The following GRAMD4 variants were observed in gnomAD, a reference collection of about 807,000 sequenced individuals.
GRAMD4 encodes GRAM domain containing 4, also known as GRAM domain-containing protein 4.
GRAMD4 carries 25 observed loss-of-function variants against 83.9 expected under a neutral mutation model. The ratio of observed to expected loss-of-function variants is 0.30; its 90% confidence interval spans 0.22 to 0.42. GRAMD4 has a LOEUF of 0.42. GRAMD4 is among the 10% of genes least tolerant of loss of function. The pLI, the probability that GRAMD4 is intolerant of heterozygous loss-of-function variation, is 1.00. For missense variants in GRAMD4, 593 were observed against 788.7 expected (o/e 0.75, Z 2.97); for synonymous variants, 336 against 320.9 (o/e 1.05, Z -0.50).
intron 1 of GRAMD4, among the ~76,000 whole-genome samples, chr22:46,624,858 ATT>A (rs138482): frequency 1.2e-3 from 143 of 116,638 alleles, no homozygotes; most frequent in African/African-American, 2.3e-3. Flanking sequence ...GTCCTGTGGG[ATT>A]TTTTTTTTTT....
At chr22:46,618,762 A>G (rs2081535770), upstream of GRAMD4, among the ~76,000 whole-genome samples, 1 of 152,114 alleles carries the variant, frequency 6.6e-6, no homozygotes, top group Non-Finnish European at 1.5e-5. This position sits in a 1 kb window ranked among gnomAD's most constrained non-coding sequence, Gnocchi z 5.8. Flanking sequence ...AGAGGTGGAC[A>G]GATGTGCAGC....
At chr22:46,608,363 G>A (rs957042861) in intron 1 of GRAMD4, among the ~76,000 whole-genome samples, 2 of 152,184 alleles carry the variant, frequency 1.3e-5, no homozygotes, top group Non-Finnish European at 2.9e-5. Flanking sequence ...TGGACCTTGC[G>A]GGTTTTTGAT....
chr22:46,627,708 T>C (rs1481987536), intron 2 of GRAMD4, among the ~76,000 whole-genome samples: 3 of 152,230 alleles, frequency 2.0e-5, no homozygotes, highest in Non-Finnish European at 4.4e-5. Flanking sequence ...AGGTCTTCTT[T>C]CCAGGTGTGG....
chr22:46,608,132 A>T (rs1292172468), intron 1 of GRAMD4, among the ~76,000 whole-genome samples: 1 of 152,124 alleles, frequency 6.6e-6, no homozygotes, highest in African/African-American at 2.4e-5. Flanking sequence ...CAGCTCTAAG[A>T]TGCACTGCCT....
Position 46,673,776 on chromosome 22 carries a change from A to T in GRAMD4, c.1346A>T (p.Glu449Val). The change falls in exon 15 of 19, where the codon GAG becomes GTG. Residue 449 changes from glutamate to valine, a missense_variant. This residue lies in a region of GRAMD4 where 171 missense variants were observed against 199.6 expected (regional missense o/e 0.86). Transcript: ENST00000406902. Reference sequence around the variant, plus strand: ...AGCACCAAGAAGGGCAATTTCCACGAGATCTTCAATCTGACAGAAAACGAG... The same window carrying T: ...AGCACCAAGAAGGGCAATTTCCACGTGATCTTCAATCTGACAGAAAACGAG... ...FHSTKKGNFH[E>V]IFNLTENERP... 6.2e-7 allele frequency: 1 copy of T among 1,613,120 alleles called. No individual in the cohort carries two copies. Among genetic ancestry groups the T allele is most frequent in the Non-Finnish European group, 8.5e-7 (1 of 1,179,966 alleles).
chr22:46,600,113 G>A (rs192784836), intron 1 of GRAMD4, among the ~76,000 whole-genome samples: 6 of 152,282 alleles, frequency 3.9e-5, no homozygotes, highest in East Asian at 3.9e-4. Flanking sequence ...CTTGGGAATC[G>A]ACTGTTTTAT....
chr22:46,619,971 A>G (rs1424904820), upstream of GRAMD4, among the ~76,000 whole-genome samples: 1 of 152,096 alleles, frequency 6.6e-6, no homozygotes, highest in Non-Finnish European at 1.5e-5. Flanking sequence ...GCCAGATAAT[A>G]AGGGGATGAA....
chr22:46,637,805 G>A (rs752748588), intron 2 of GRAMD4, 35 bp from the exon 3 acceptor site: 8 of 1,611,732 alleles, frequency 5.0e-6, no homozygotes, highest in Non-Finnish European at 6.8e-6. Context: ...GGTGCCACAG[G>A]TGGCCCCTTT....
upstream of GRAMD4, among the ~76,000 whole-genome samples, chr22:46,616,433 G>A (rs1413440615): frequency 1.8e-5 from 2 of 111,476 alleles, no homozygotes; most frequent in Non-Finnish European, 3.6e-5. Context: ...CCCGTGAGTA[G>A]GTTCCCCTGT....
chr22:46,677,632 G>A lies in GRAMD4; in HGVS notation c.*381G>A, dbSNP rs1018632406. ...AGAGGTTCTCGCAACCTTGTGTCCC[G>A]CTCTCCAGAGGCCAGAAGCTCGTCC... On this transcript the variant is annotated 3_prime_UTR_variant, in exon 19 of 19. Coordinates refer to ENST00000406902, the MANE Select transcript of GRAMD4 (RefSeq NM_015124.5). 6.0e-6 allele frequency: 6 copies of A among 1,006,506 alleles called. No homozygotes were observed. The Admixed American group carries it at 1.7e-4, about 28-fold the overall frequency. The allele number at this position is 1,006,506 out of a possible 1,614,324, so 62.3% of individuals were successfully genotyped here.
chr22:46,676,169 C>T (rs2082594697), intron 17 of GRAMD4, among the ~76,000 whole-genome samples: 1 of 152,198 alleles, frequency 6.6e-6, no homozygotes, highest in African/African-American at 2.4e-5. Context: ...TCATCTCTCC[C>T]ACCCGGCTCT....
intron 1 of GRAMD4, among the ~76,000 whole-genome samples, chr22:46,594,137 C>T (rs2081236978): frequency 6.6e-6 from 1 of 151,260 alleles, no homozygotes; most frequent in Non-Finnish European, 1.5e-5. Context: ...CTGCCAGCCC[C>T]ACCCCAGCAT....
At chr22:46,669,495 T>G (rs1018831279) in intron 13 of GRAMD4, among the ~76,000 whole-genome samples, 2 of 151,908 alleles carry the variant, frequency 1.3e-5, no homozygotes, top group African/African-American at 4.8e-5. Flanking sequence ...CATGCTCTCT[T>G]CCCTCCTTTC....
intron 1 of GRAMD4, among the ~76,000 whole-genome samples, chr22:46,594,832 GA>G (rs1298328171): frequency 6.6e-6 from 1 of 151,994 alleles, no homozygotes; most frequent in East Asian, 1.9e-4. Context: ...TGGGGGTGAG[GA>G]GGGGCGCCCC....
chr22:46,607,443 C>G lies in GRAMD4; in HGVS notation c.-49-19308C>G, dbSNP rs541366348. Among the ~76,000 whole-genome samples the G allele has an allele frequency of 2.0e-5, 3 of 152,276 alleles. No homozygotes were observed. The South Asian group carries it at 6.2e-4, about 32-fold the overall frequency. ...TGTAGGGGAGCCAGGAACCAGCCCTCCACAGGCTGGTGTGTAGGGATTGAG... is the reference window on the plus strand; with the variant it reads ...TGTAGGGGAGCCAGGAACCAGCCCTGCACAGGCTGGTGTGTAGGGATTGAG... On this transcript the variant is annotated intron_variant, in intron 1 of 1. Coordinates refer to the GRAMD4 transcript ENST00000431155.
chr22:46,585,589 C>T (rs1444567322), intron 1 of GRAMD4, among the ~76,000 whole-genome samples: 1 of 152,258 alleles, frequency 6.6e-6, no homozygotes, highest in Non-Finnish European at 1.5e-5. Context: ...ACAAGACTTT[C>T]ACCCTTGTGT....
intron 11 of GRAMD4, 106 bp downstream of exon 11, chr22:46,668,273 T>G (rs942390593): frequency 1.8e-5 from 13 of 728,046 alleles, no homozygotes; most frequent in Non-Finnish European, 2.6e-5. Flanking sequence ...CCTCCGCTGC[T>G]GCCTGGGGAG....
chr22:46,605,449 G>C (rs954955926), intron 1 of GRAMD4, among the ~76,000 whole-genome samples: 1 of 152,234 alleles, frequency 6.6e-6, no homozygotes, highest in Admixed American at 6.5e-5. Context: ...CTTGCTTTTA[G>C]TTCTTTTGAG....
At chr22:46,638,408 G>A (rs1238588938) in intron 3 of GRAMD4, among the ~76,000 whole-genome samples, 2 of 152,278 alleles carry the variant, frequency 1.3e-5, no homozygotes, top group Non-Finnish European at 2.9e-5. Context: ...GTCTCCAGGA[G>A]GGAGGTGGGG....
Sources: gnomAD v4.1 joint callset for allele counts (sites outside exome capture counted in the v4.1 genomes callset) on GRCh38, gnomAD v4.1.1 for gene constraint, gnomAD v4.1.1 regional missense constraint, Gnocchi (gnomAD v3.1) non-coding constraint, MANE v1.5 for transcripts, NCBI Gene and HGNC (gene_info 2026-07-23, HGNC 2026-07-21) for gene names.